LRRC47: variants seen among roughly 807,000 people sequenced by gnomAD.
LRRC47 encodes the protein leucine rich repeat containing 47.
In LRRC47, 31 loss-of-function variants were observed where a neutral mutation model predicts 40.9. The ratio of observed to expected loss-of-function variants is 0.76; its 90% CI spans 0.57 to 1.02. LRRC47 has a LOEUF of 1.02. Among genes scored for constraint, LRRC47 ranks in the 50% least tolerant of loss-of-function variants. The probability of loss-of-function intolerance (pLI) is 0.00; values close to 1 mark genes in which losing one functional copy is unlikely to be tolerated. For synonymous variants in LRRC47, 427 were observed against 371.9 expected, an observed-to-expected ratio of 1.15 and a Z score of -1.70; for missense variants, 726 against 796.1, an observed-to-expected ratio of 0.91 and a Z score of 1.06.
chr1:3,781,067 C>T lies in LRRC47; in HGVS notation c.*21G>A, dbSNP rs768464440. On this transcript the variant is annotated 3_prime_UTR_variant, in exon 7 of 7. Transcript: ENST00000378251. Reference sequence around the variant, plus strand: ...ACCTCCGCAAAACCGGCCAAACAAACGCGGACAGGCGGCCCTGGCGTCAGC... The same window carrying T: ...ACCTCCGCAAAACCGGCCAAACAAATGCGGACAGGCGGCCCTGGCGTCAGC... 7.5e-6 allele frequency: 12 copies of T among 1,603,144 alleles called. No individual in the cohort carries two copies. The African/African-American group carries it at 8.0e-5, about 11-fold the overall frequency.
chr1:3,792,649 C>T (rs1215836667), intron 1 of LRRC47, among the ~76,000 whole-genome samples: 1 of 152,100 alleles, frequency 6.6e-6, no homozygotes, highest in East Asian at 1.9e-4. Flanking sequence ...TTAGTAGAAA[C>T]GGGGTTTCAC....
At chr1:3,782,840 G>T in intron 4 of LRRC47, 77 bp from the exon 5 acceptor site, 2 of 920,716 alleles carry the variant, frequency 2.2e-6, no homozygotes, top group Non-Finnish European at 1.8e-6. Flanking sequence ...ATGTGCCTGT[G>T]GTCCCAGCAC....
chr1:3,783,951 G>A, intron 4 of LRRC47, 45 bp downstream of exon 4: 1 of 1,505,298 alleles, frequency 6.6e-7, no homozygotes, highest in African/African-American at 1.4e-5. Context: ...CCAGCATGCG[G>A]CACTCCCCCG....
At chr1:3,795,766 G>A in intron 1 of LRRC47, 96 bp downstream of exon 1, 1 of 1,377,898 alleles carries the variant, frequency 7.3e-7, no homozygotes, top group Middle Eastern at 2.3e-4. Context: ...AGTGCCCCAG[G>A]GGGCGTCACT....
At chr1:3,784,793 T>C (rs973628619) in intron 3 of LRRC47, among the ~76,000 whole-genome samples, 11 of 152,202 alleles carry the variant, frequency 7.2e-5, no homozygotes, top group African/African-American at 2.7e-4. Context: ...GCCTGGAGTT[T>C]GAGACCAGCC....
chr1:3,789,243 G>A (rs1304754493), intron 1 of LRRC47, among the ~76,000 whole-genome samples: 1 of 152,284 alleles, frequency 6.6e-6, no homozygotes, highest in Non-Finnish European at 1.5e-5. Context: ...GTTAGAACCA[G>A]CCTGGGCCAC....
In LRRC47 at chr1:3,796,043, G is replaced by T; in HGVS notation, c.434C>A (p.Pro145Gln). Residue 145 changes from proline to glutamine, a missense_variant, in exon 1 of 7, where the codon CCA (proline) becomes CAA (glutamine). Pro to Gln is a moderately conservative substitution (Grantham distance 76). Coordinates refer to ENST00000378251, the MANE Select transcript of LRRC47 (RefSeq NM_020710.3). The part of the protein sequence containing the change: ...NLSGNRLREL[P>Q]ADLARCAPRL... ...CGGGGCGCAGCGCGCCAGGTCGGCT[G>T]GCAGCTCGCGCAGCCGGTTGCCGCT... The T allele has an allele frequency of 6.5e-7, 1 of 1,542,384 alleles. No homozygotes were observed. Among genetic ancestry groups the T allele is most frequent in the South Asian group, 1.2e-5 (1 of 83,846 alleles).
rs761155793 is a variant in LRRC47, at chr1:3,781,234, T to C, written c.1606A>G (p.Thr536Ala). 10 of 1,614,232 alleles carry C rather than the reference T, an allele frequency of 6.2e-6. No homozygotes were observed. The highest frequency in any genetic ancestry group is 2.2e-5 in the East Asian group (1 of 44,882). ...CCGTCCTTTCCAGCACTGGGATTCG[T>C]TGTGGGATCTGGAAGTTGTCCAGAG... The part of the protein sequence containing the change: ...AVSGQLPDPT[T>A]NPSAGKDGPS... The change falls in exon 7 of 7, where the codon ACG (threonine) becomes GCG (alanine). Residue 536 changes from threonine to alanine, a missense_variant. Physicochemically the swap from Thr to Ala is moderately conservative, Grantham distance 58 (BLOSUM62 0). Transcript: ENST00000378251.
intron 3 of LRRC47, among the ~76,000 whole-genome samples, chr1:3,784,632 G>A (rs1214349953): frequency 2.0e-5 from 3 of 152,346 alleles, no homozygotes; most frequent in East Asian, 3.9e-4. Flanking sequence ...GCACCGCTTC[G>A]AGTAACCGCA....
At chr1:3,787,356 G>T (rs1467667712) in intron 1 of LRRC47, 46 bp from the exon 2 acceptor site, 4 of 1,542,840 alleles carry the variant, frequency 2.6e-6, no homozygotes, top group African/African-American at 1.4e-5. Context: ...ACTCTGGGAA[G>T]AGAGTCCAAG....
chr1:3,785,659 G>T (rs896273224), intron 2 of LRRC47: 1 of 152,258 alleles, frequency 6.6e-6, no homozygotes, highest in Non-Finnish European at 1.5e-5. Context: ...CTTTCCCCTG[G>T]GCACAGAGGT....
At position 3,796,463 on chromosome 1, in the gene LRRC47, G is replaced by A. The variant is rs117033631; in HGVS notation, c.14C>T (p.Ala5Val). The change falls in exon 1 of 7, where the codon GCG (alanine) becomes GTG (valine). Residue 5 changes from alanine to valine, a missense_variant. Coordinates refer to ENST00000378251, the MANE Select transcript of LRRC47 (RefSeq NM_020710.3). MAAA[A>V]VSESWPELEL... is the part of the protein sequence containing the mutation. ...CAGCTCCGGCCAAGACTCTGACACC[G>A]CTGCCGCCGCCATGGCGCCTCAGCT... The A allele has an allele frequency of 6.4e-3, 9,636 of 1,508,862 alleles. 398 individuals carry two copies. The East Asian group carries it at 0.12, about 19-fold the overall frequency. The allele number at this position is 1,508,862 out of a possible 1,614,324, so 93.5% of individuals were successfully genotyped here.
At position 3,796,028 on chromosome 1, in the gene LRRC47, C is replaced by A. The variant is rs1239462513; in HGVS notation, c.449G>T (p.Arg150Leu). The change falls in exon 1 of 7, where the codon CGC becomes CTC. Residue 150 changes from arginine (R) to leucine (L), a missense_variant. Arg to Leu is a moderately radical substitution (Grantham distance 102). Coordinates refer to ENST00000378251, the MANE Select transcript of LRRC47 (RefSeq NM_020710.3). The stretch of plus-strand genomic sequence containing the variant: ...GAGGCTCTGCAGGCGCGGGGCGCAG[C>A]GCGCCAGGTCGGCTGGCAGCTCGCG... ...RLRELPADLA[R>L]CAPRLQSLNL... is the part of the protein sequence containing the mutation. 3 of 1,545,802 alleles carry A rather than the reference C, an allele frequency of 1.9e-6. No homozygotes were observed. The highest frequency in any genetic ancestry group is 2.5e-5 in the East Asian group (1 of 40,698).
chr1:3,792,939 C>G (rs1643641115), intron 1 of LRRC47, among the ~76,000 whole-genome samples: 3 of 152,176 alleles, frequency 2.0e-5, no homozygotes. Flanking sequence ...TATCCAACAT[C>G]ACACCTTAGT....
chr1:3,795,428 T>C (rs1222608898), intron 1 of LRRC47, among the ~76,000 whole-genome samples: 3 of 152,212 alleles, frequency 2.0e-5, no homozygotes, highest in Non-Finnish European at 2.9e-5. Context: ...AAGTGAAATA[T>C]AATCTTCAAG....
chr1:3,781,695 T>G lies in LRRC47; in HGVS notation c.1414-94A>C, dbSNP rs1643522365. On this transcript the variant is annotated intron_variant, in intron 5 of 6. Coordinates refer to ENST00000378251, the MANE Select transcript of LRRC47 (RefSeq NM_020710.3). ...TTCTCAGGAAAAATCTACAAAACTG[T>G]GTGGCCAGGCACAGTGGCTCACACC... The G allele has an allele frequency of 3.9e-6, 4 of 1,036,638 alleles. No individual in the cohort carries two copies. In the African/African-American group the frequency reaches 6.4e-5, roughly 17 times the overall value. The allele number at this position is 1,036,638 out of a possible 1,614,324, so 64.2% of individuals were successfully genotyped here. A position where few individuals can be genotyped will look rare whatever the true frequency, so the allele number is the denominator to read the frequency against.
chr1:3,785,294 A>G, intron 2 of LRRC47, 91 bp from the exon 3 acceptor site: 1 of 915,800 alleles, frequency 1.1e-6, no homozygotes, highest in East Asian at 3.1e-5. Flanking sequence ...GCTGTGTGCC[A>G]GGAAACCCTC....
chr1:3,789,732 G>A (rs1312585237), intron 1 of LRRC47, among the ~76,000 whole-genome samples: 2 of 152,264 alleles, frequency 1.3e-5, no homozygotes, highest in Non-Finnish European at 2.9e-5. Context: ...GGGCAAGAGA[G>A]TCACCATCTG....
chr1:3,790,764 A>G (rs2124613859), intron 1 of LRRC47, among the ~76,000 whole-genome samples: 1 of 152,344 alleles, frequency 6.6e-6, no homozygotes, highest in South Asian at 2.1e-4. Flanking sequence ...GGGCCTTTGC[A>G]CTGCAGGTCC....
Sources: allele counts gnomAD v4.1 joint callset (sites outside exome capture counted in the v4.1 genomes callset), GRCh38; gene constraint gnomAD v4.1.1; transcripts MANE v1.5; gene names NCBI Gene and HGNC (gene_info 2026-07-23, HGNC 2026-07-21).